SLC35F4: variants seen among roughly 807,000 people sequenced by gnomAD.
The protein encoded by SLC35F4 is solute carrier family 35 member F4, also known as chromosome 14 open reading frame 36.
A neutral mutation model predicts 44.2 loss-of-function variants in SLC35F4; 24 were observed. The observed-to-expected ratio is 0.54, with a 90% CI of 0.39 to 0.76. The LOEUF is 0.76. Among genes scored for constraint, SLC35F4 ranks in the 30% least tolerant of loss-of-function variants. The pLI is 0.00. For synonymous variants in SLC35F4, 238 were observed against 223.6 expected (o/e 1.06, Z -0.57); for missense variants, 562 against 586.1 (o/e 0.96, Z 0.42).
At chr14:57,845,610 G>C (rs1436102734) in intron 1 of SLC35F4, among the ~76,000 whole-genome samples, 1 of 152,218 alleles carries the variant, frequency 6.6e-6, no homozygotes, top group East Asian at 1.9e-4. Flanking sequence ...CCACAGGAAA[G>C]TTAACTGTGT....
At chr14:57,913,593 T>A (rs1354397824) in intron 1 of SLC35F4, among the ~76,000 whole-genome samples, 1 of 152,162 alleles carries the variant, frequency 6.6e-6, no homozygotes, top group East Asian at 1.9e-4. Flanking sequence ...TAACATTAAT[T>A]CCTCCTGCCC....
chr14:57,947,878 AC>A (rs1217555694), intron 1 of SLC35F4, among the ~76,000 whole-genome samples: 1 of 152,180 alleles, frequency 6.6e-6, no homozygotes, highest in Non-Finnish European at 1.5e-5. Context: ...TATAAAACCC[AC>A]TTGATCATGA....
In SLC35F4 at chr14:57,927,983, G is replaced by A. The variant is rs1889615170; in HGVS notation, n.282+53930C>T. Among the ~76,000 whole-genome samples, 6 of 151,574 alleles carry A rather than the reference G, an allele frequency of 4.0e-5. No homozygotes were observed. The South Asian group carries it at 1.3e-3, about 32-fold the overall frequency. ...TTTCTGAACAATTTTTTAAGTTTTG[G>A]GTTTTACATTTAAATTTGTGATGAA... On this transcript the variant is annotated intron_variant and non_coding_transcript_variant, in intron 1 of 1. Transcript: ENST00000556568.
intron 1 of SLC35F4, among the ~76,000 whole-genome samples, chr14:57,721,059 T>G (rs2076076364): frequency 7.1e-6 from 1 of 141,468 alleles, no homozygotes. Flanking sequence ...CTCCTATTAG[T>G]TCTGACCATC....
At chr14:57,668,471 A>G (rs1050628145) in intron 1 of SLC35F4, among the ~76,000 whole-genome samples, 3 of 151,854 alleles carry the variant, frequency 2.0e-5, no homozygotes, top group African/African-American at 7.3e-5. Flanking sequence ...TAGGTCTAAC[A>G]TTTAAGTCTT....
chr14:57,593,932 C>T lies in SLC35F4; in HGVS notation c.289+7G>A, dbSNP rs377462838. ...TACCGTTATTTAAGAGGAGGTCACC[C>T]ACATACCTGATCTGTTCTGTCTCTC... is the stretch of plus-strand genomic sequence containing the variant. On this transcript the variant is annotated splice_region_variant and intron_variant, in intron 2 of 7. Coordinates refer to ENST00000556826, the MANE Select transcript of SLC35F4 (RefSeq NM_001306087.2). 6.2e-6 allele frequency: 10 copies of T among 1,613,082 alleles called. No individual in the cohort carries two copies. In the African/African-American group the frequency reaches 1.2e-4, roughly 19 times the overall value.
intron 1 of SLC35F4, among the ~76,000 whole-genome samples, chr14:57,850,142 T>C (rs1886429156): frequency 6.6e-6 from 1 of 152,220 alleles, no homozygotes; most frequent in Non-Finnish European, 1.5e-5. Context: ...TATATGAATG[T>C]CATTGAAAAA....
At chr14:57,833,067 A>G (rs10148821) in intron 1 of SLC35F4, among the ~76,000 whole-genome samples, 21,339 of 152,216 alleles carry the variant, frequency 0.14, 1,776 homozygotes, top group African/African-American at 0.23. Flanking sequence ...AAAATCACAT[A>G]TGCATAAAGA....
At chr14:57,739,512 A>G (rs1288193276) in intron 1 of SLC35F4, among the ~76,000 whole-genome samples, 1 of 152,222 alleles carries the variant, frequency 6.6e-6, no homozygotes, top group East Asian at 1.9e-4. Flanking sequence ...AGGTAATATC[A>G]AATGGGTGAT....
Position 57,571,878 on chromosome 14 carries a change from A to G in SLC35F4, c.933+16T>C, listed in dbSNP as rs765153949. 1.2e-6 allele frequency: 2 copies of G among 1,601,802 alleles called. No individual in the cohort carries two copies. Among genetic ancestry groups the G allele is most frequent in the African/African-American group, 2.7e-5 (2 of 74,522 alleles). ...TATGAGTGACAGTTGCTTACAAAAG[A>G]AAGTGCACAACATACCTTATATAAT... On this transcript the variant is annotated intron_variant, in intron 5 of 7. Coordinates refer to ENST00000556826, the MANE Select transcript of SLC35F4 (RefSeq NM_001306087.2).
chr14:57,681,996 C>T (rs1391920852), intron 1 of SLC35F4, among the ~76,000 whole-genome samples: 1 of 152,154 alleles, frequency 6.6e-6, no homozygotes, highest in African/African-American at 2.4e-5. Context: ...TAGGAAACAA[C>T]AGATGCTGGT....
chr14:57,796,730 C>A (rs549195447), intron 1 of SLC35F4, among the ~76,000 whole-genome samples: 2 of 152,224 alleles, frequency 1.3e-5, no homozygotes, highest in Non-Finnish European at 1.5e-5. Flanking sequence ...ATAGCTGGCT[C>A]CTGGCCATAG....
intron 1 of SLC35F4, among the ~76,000 whole-genome samples, chr14:57,752,029 A>C (rs2076896587): frequency 6.6e-6 from 1 of 151,922 alleles, no homozygotes; most frequent in Non-Finnish European, 1.5e-5. Context: ...AAAATTGCCG[A>C]TTAGACCTTC....
At chr14:57,677,968 G>T (rs937428744) in intron 1 of SLC35F4, among the ~76,000 whole-genome samples, 2 of 151,920 alleles carry the variant, frequency 1.3e-5, no homozygotes, top group East Asian at 3.8e-4. Flanking sequence ...CATTTGCCTT[G>T]CTAGGTTGGG....
chr14:57,816,973 C>T (rs1248675873), intron 1 of SLC35F4, among the ~76,000 whole-genome samples: 6 of 152,178 alleles, frequency 3.9e-5, no homozygotes, highest in African/African-American at 1.4e-4. Context: ...AAGTGCAAGC[C>T]TGTATCTCAG....
At chr14:57,721,708 G>A (rs1278427833) in intron 1 of SLC35F4, among the ~76,000 whole-genome samples, 1 of 152,110 alleles carries the variant, frequency 6.6e-6, no homozygotes, top group African/African-American at 2.4e-5. Flanking sequence ...GGGACATGTG[G>A]GAGGACCCTG....
chr14:57,962,373 G>T (rs72714728), intron 1 of SLC35F4, among the ~76,000 whole-genome samples: 1 of 152,110 alleles, frequency 6.6e-6, no homozygotes, highest in South Asian at 2.1e-4. Context: ...AGCTGCTCCC[G>T]GGATCTAAGC....
At chr14:57,570,020 A>G (rs2068414063) in intron 5 of SLC35F4, 40 bp from the exon 6 acceptor site, 1 of 1,532,218 alleles carries the variant, frequency 6.5e-7, no homozygotes, top group Non-Finnish European at 8.7e-7. Context: ...ACAGAAACTT[A>G]GCCAGAGCAG....
chr14:57,745,831 A>G (rs1441802400), intron 1 of SLC35F4, among the ~76,000 whole-genome samples: 2 of 152,188 alleles, frequency 1.3e-5, no homozygotes, highest in African/African-American at 4.8e-5. Context: ...CTTGGAACCA[A>G]CCCAAATGTC....
Sources: gnomAD v4.1 joint callset for allele counts (sites outside exome capture counted in the v4.1 genomes callset) on GRCh38, gnomAD v4.1.1 for gene constraint, MANE v1.5 for transcripts, NCBI Gene and HGNC (gene_info 2026-07-23, HGNC 2026-07-21) for gene names.